The following CYFIP2 variants were observed in gnomAD, a reference collection of about 807,000 sequenced individuals.
CYFIP2 encodes cytoplasmic FMR1-interacting protein 2.
Under a neutral mutation model 158.7 loss-of-function variants are expected in CYFIP2, and 29 were observed. The ratio of observed to expected loss-of-function variants is 0.18; its 90% CI spans 0.14 to 0.25. The LOEUF is 0.25. Ranked by LOEUF, CYFIP2 falls within the 10% of genes least tolerant of loss-of-function variation. The pLI, the probability that CYFIP2 is intolerant of heterozygous loss-of-function variation, is 1.00. For missense variants in CYFIP2, 852 were observed against 1,639.5 expected (o/e 0.52, Z 8.29); for synonymous variants, 585 against 617.6 (o/e 0.95, Z 0.78).
Position 157,393,877 on chromosome 5 carries a change from G to T in CYFIP2, c.*877G>T, listed in dbSNP as rs6555991. On this transcript the variant is annotated 3_prime_UTR_variant, in exon 31 of 31. Transcript: ENST00000620254. ...AGCCAGTGACCAAATTAGGGACAACGTCTTGGCACAGAATTGCTTATCAAG... is the reference window on the plus strand; with the variant it reads ...AGCCAGTGACCAAATTAGGGACAACTTCTTGGCACAGAATTGCTTATCAAG... The T allele has an allele frequency of 0.22, 33,303 of 152,058 alleles. 4,381 individuals are homozygous for T. The highest frequency in any genetic ancestry group is 0.36 in the African/African-American group (14,766 of 41,442). 9.4% of individuals were successfully genotyped at this position (152,058 alleles called of 1,614,324 possible).
At chr5:157,308,867 G>A (rs1759465655) in intron 9 of CYFIP2, among the ~76,000 whole-genome samples, 1 of 152,190 alleles carries the variant, frequency 6.6e-6, no homozygotes, top group South Asian at 2.1e-4. Context: ...CCCTTGGCAG[G>A]CCTGGGTGTA....
chr5:157,361,561 A>G lies in CYFIP2; in HGVS notation c.3002A>G (p.Asn1001Ser), dbSNP rs2113367154. 1.2e-6 allele frequency: 2 copies of G among 1,614,020 alleles called. No homozygotes were observed. Among genetic ancestry groups the G allele is most frequent in the Middle Eastern group, 1.6e-4 (1 of 6,062 alleles). Residue 1001 changes from asparagine to serine, a missense_variant, in exon 26 of 31, where the codon AAT becomes AGT. By Grantham distance (46) the Asn-to-Ser change is conservative. This residue lies in a region of CYFIP2 where 223 missense variants were observed against 381.6 expected (regional missense o/e 0.58). Coordinates refer to ENST00000620254, the MANE Select transcript of CYFIP2 (RefSeq NM_001037333.3). The surrounding 1 kb of genome is among the most constrained non-coding windows in gnomAD (Gnocchi z 4.4). ...TTCCAGAGCCTGAGGGAAGTGGGCA[A>G]TGCCATCCTCTTCTGCCTCCTCATA... is the stretch of plus-strand genomic sequence containing the variant. ...DVFQSLREVG[N>S]AILFCLLIEQ... is the part of the protein sequence containing the mutation.
At chr5:157,319,968 G>A (rs1186356707) in intron 14 of CYFIP2, 40 bp downstream of exon 14, 25 of 1,604,510 alleles carry the variant, frequency 1.6e-5, no homozygotes, top group East Asian at 6.7e-5. Context: ...TCAGACATAA[G>A]CATGCCAGGT....
intron 29 of CYFIP2, chr5:157,389,644 C>A (rs1237668256): frequency 7.8e-6 from 4 of 512,952 alleles, no homozygotes; most frequent in Admixed American, 3.5e-5. Context: ...CCCCACTACA[C>A]TGTACTACTG....
chr5:157,325,935 T>C, intron 17 of CYFIP2: 1 of 559,334 alleles, frequency 1.8e-6, no homozygotes, highest in Non-Finnish European at 3.2e-6. Flanking sequence ...CCTGATGTGT[T>C]TTAGTCCCAA....
At chr5:157,318,445 A>T (rs1760325362) in intron 13 of CYFIP2, among the ~76,000 whole-genome samples, 2 of 152,076 alleles carry the variant, frequency 1.3e-5, no homozygotes, top group African/African-American at 4.8e-5. Context: ...TTCTGTTATG[A>T]TCTAACAGTC....
chr5:157,389,236 G>T lies in CYFIP2; in HGVS notation c.3255G>T (p.Leu1085=), dbSNP rs1230376090. 2 of 1,613,972 alleles carry T rather than the reference G, an allele frequency of 1.2e-6. No individual in the cohort carries two copies. The highest frequency in any genetic ancestry group is 2.2e-5 in the South Asian group (2 of 91,070). The change falls in exon 29 of 31, where the codon CTG becomes CTT. Residue 1085 remains leucine (L), a synonymous_variant. Coordinates refer to ENST00000620254, the MANE Select transcript of CYFIP2 (RefSeq NM_001037333.3). Reference sequence around the variant, plus strand: ...GTGACCTCCTGACCAAGGAGCGGCTGTGCTGTGGCCTGTCCATGTTCGAGG... The same window carrying T: ...GTGACCTCCTGACCAAGGAGCGGCTTTGCTGTGGCCTGTCCATGTTCGAGG... ...REGDLLTKER[L]CCGLSMFEVI... is the part of the protein sequence containing the mutation.
rs1041349220 is a variant in CYFIP2, at chr5:157,319,663, A to C, written c.1357-99A>C. ...AGTAGCACTGGCCTCATGCCTCTGG[A>C]CATCTCACTCCCCGCCTCCCCTGGC... On this transcript the variant is annotated intron_variant, in intron 13 of 30. Coordinates refer to ENST00000620254, the MANE Select transcript of CYFIP2 (RefSeq NM_001037333.3). 3.4e-6 allele frequency: 5 copies of C among 1,454,658 alleles called. No homozygotes were observed. In the East Asian group the frequency reaches 7.3e-5, roughly 21 times the overall value. The allele number at this position is 1,454,658 out of a possible 1,614,324, so 90.1% of individuals were successfully genotyped here.
intron 26 of CYFIP2, among the ~76,000 whole-genome samples, chr5:157,379,004 T>C (rs921780833): frequency 6.6e-6 from 1 of 152,138 alleles, no homozygotes; most frequent in South Asian, 2.1e-4. Context: ...CCTACTTGGC[T>C]CCACTGCACC....
At position 157,315,029 on chromosome 5, in the gene CYFIP2, G is replaced by A. The variant is rs1470256053; in HGVS notation, c.1291G>A (p.Ala431Thr). 2 of 1,610,194 alleles carry A rather than the reference G, an allele frequency of 1.2e-6. No individual in the cohort carries two copies. ...KFCNKDCPGTAEEYERATRYN... is the reference protein window; with the variant it reads ...KFCNKDCPGTTEEYERATRYN... ...CTGCAACAAGGACTGTCCTGGCACC[G>A]CGGAGGAATATGAGAGAGCCACACG... Residue 431 changes from alanine to threonine, a missense_variant, in exon 13 of 31, where the codon GCG becomes ACG. By Grantham distance (58) the Ala-to-Thr change is moderately conservative (BLOSUM62 0). Around this residue, in one of 8 missense-constraint regions of CYFIP2, gnomAD observed 167 missense variants for 343.3 expected, o/e 0.49. Transcript: ENST00000620254.
At chr5:157,345,196 G>A (rs909225141) in intron 23 of CYFIP2, among the ~76,000 whole-genome samples, 9 of 152,176 alleles carry the variant, frequency 5.9e-5, no homozygotes, top group Admixed American at 2.0e-4. Flanking sequence ...GATGAAAAGA[G>A]CTTAATTCAT....
intron 18 of CYFIP2, 66 bp downstream of exon 18, chr5:157,326,333 T>C: frequency 7.4e-7 from 1 of 1,349,568 alleles, no homozygotes; most frequent in South Asian, 1.2e-5. Flanking sequence ...TTCCAGTCTT[T>C]TGCTATTAGC....
At chr5:157,272,154 G>A (rs1217458854) in intron 1 of CYFIP2, among the ~76,000 whole-genome samples, 1 of 152,222 alleles carries the variant, frequency 6.6e-6, no homozygotes, top group Non-Finnish European at 1.5e-5. Flanking sequence ...CTTTTTCTCT[G>A]TCTACTCAGT....
At chr5:157,333,275 C>T in intron 20 of CYFIP2, 52 bp from the exon 21 acceptor site, 2 of 1,610,582 alleles carry the variant, frequency 1.2e-6, no homozygotes, top group Non-Finnish European at 1.7e-6. Flanking sequence ...TGAGCCACTG[C>T]ACCTGGCCAG....
At chr5:157,379,515 C>CA (rs962537033) in intron 26 of CYFIP2, among the ~76,000 whole-genome samples, 1 of 151,134 alleles carries the variant, frequency 6.6e-6, no homozygotes, top group African/African-American at 2.4e-5. Flanking sequence ...TCTGTCTCTA[C>CA]AAAAAAATTA....
chr5:157,271,413 C>G (rs915243011), intron 1 of CYFIP2: 1 of 152,324 alleles, frequency 6.6e-6, no homozygotes, highest in Non-Finnish European at 1.5e-5. Flanking sequence ...TTTTAGTACA[C>G]AAAATGGACA....
At chr5:157,353,913 G>A (rs1383070577) in intron 23 of CYFIP2, among the ~76,000 whole-genome samples, 1 of 152,354 alleles carries the variant, frequency 6.6e-6, no homozygotes, top group East Asian at 1.9e-4. Flanking sequence ...ACTGTTTGAA[G>A]TGGCTGGCCG....
chr5:157,295,458 A>G (rs1295176802), intron 4 of CYFIP2, among the ~76,000 whole-genome samples: 1 of 152,254 alleles, frequency 6.6e-6, no homozygotes, highest in Non-Finnish European at 1.5e-5. Context: ...ACAGGTGTGT[A>G]AACAGAAACT....
intron 15 of CYFIP2, among the ~76,000 whole-genome samples, chr5:157,322,178 G>A (rs1760647860): frequency 6.6e-6 from 1 of 152,202 alleles, no homozygotes; most frequent in Non-Finnish European, 1.5e-5. Flanking sequence ...AGCGCTATTA[G>A]AGAAACCTAG....
Sources: gnomAD v4.1 joint callset for allele counts (sites outside exome capture counted in the v4.1 genomes callset) on GRCh38, gnomAD v4.1.1 for gene constraint, gnomAD v4.1.1 regional missense constraint, Gnocchi (gnomAD v3.1) non-coding constraint, MANE v1.5 for transcripts, NCBI Gene and HGNC (gene_info 2026-07-23, HGNC 2026-07-21) for gene names.